NEK11: variants seen among roughly 807,000 people sequenced by gnomAD.
The protein encoded by NEK11 is serine/threonine-protein kinase Nek11.
In NEK11, 72 loss-of-function variants were observed where a neutral mutation model predicts 80.7. The ratio of observed to expected loss-of-function variants is 0.89; its 90% CI spans 0.74 to 1.08. NEK11 has a LOEUF of 1.08. NEK11 is among the 50% of genes least tolerant of loss of function. The pLI, the probability that NEK11 is intolerant of heterozygous loss-of-function variation, is 0.00. For missense variants in NEK11, 764 were observed against 763.6 expected, an observed-to-expected ratio of 1.00 and a Z score of -0.01; for synonymous variants, 251 against 260.7, an observed-to-expected ratio of 0.96 and a Z score of 0.36.
intron 14 of NEK11, among the ~76,000 whole-genome samples, chr3:131,185,503 T>C (rs1206951779): frequency 2.6e-5 from 4 of 152,138 alleles, no homozygotes; most frequent in African/African-American, 9.7e-5. Context: ...GAATCCCATA[T>C]TGGACAGAAA....
At chr3:131,288,085 A>C (rs1029688291) in intron 17 of NEK11, among the ~76,000 whole-genome samples, 1 of 152,150 alleles carries the variant, frequency 6.6e-6, no homozygotes, top group African/African-American at 2.4e-5. Context: ...GAATCCACCC[A>C]TTTCATGACC....
At chr3:131,234,798 C>T (rs1561121568) in intron 15 of NEK11, among the ~76,000 whole-genome samples, 1 of 151,612 alleles carries the variant, frequency 6.6e-6, no homozygotes, top group Non-Finnish European at 1.5e-5. Flanking sequence ...ATATCACTTA[C>T]TTCTCTTAAC....
intron 7 of NEK11, among the ~76,000 whole-genome samples, chr3:131,146,450 A>G (rs2088292923): frequency 1.3e-5 from 2 of 152,058 alleles, no homozygotes; most frequent in Non-Finnish European, 2.9e-5. Context: ...CACTGATAAA[A>G]CCAGAGTTTG....
At chr3:131,232,491 A>C (rs1234206525) in intron 15 of NEK11, among the ~76,000 whole-genome samples, 1 of 152,206 alleles carries the variant, frequency 6.6e-6, no homozygotes. Flanking sequence ...TGTGGCTGTC[A>C]CTGAGGCTTG....
chr3:131,031,503 A>C (rs2064842544), intron 3 of NEK11, among the ~76,000 whole-genome samples: 1 of 152,222 alleles, frequency 6.6e-6, no homozygotes, highest in Non-Finnish European at 1.5e-5. Flanking sequence ...GGAATATGAA[A>C]AATTTTAAGA....
intron 14 of NEK11, chr3:131,175,152 T>C: frequency 2.1e-6 from 2 of 972,622 alleles, no homozygotes; most frequent in Non-Finnish European, 2.5e-6. Flanking sequence ...GTTATGTTTT[T>C]ATTGTTTTAA....
chr3:131,168,707 T>G (rs1234760524), intron 12 of NEK11, 123 bp from the exon 13 acceptor site: 1 of 644,664 alleles, frequency 1.6e-6, no homozygotes, highest in Non-Finnish European at 2.7e-6. Flanking sequence ...GCTGGTCTGT[T>G]TCCTATGTAT....
intron 4 of NEK11, among the ~76,000 whole-genome samples, chr3:131,104,772 G>T (rs2078930437): frequency 6.6e-6 from 1 of 152,208 alleles, no homozygotes; most frequent in African/African-American, 2.4e-5. Flanking sequence ...GTGGGCTTCA[G>T]TGGTAGCTCT....
intron 5 of NEK11, among the ~76,000 whole-genome samples, chr3:131,128,552 C>T (rs758276481): frequency 1.9e-4 from 29 of 152,120 alleles, no homozygotes; most frequent in Non-Finnish European, 3.1e-4. Context: ...TTAACCATTC[C>T]GCTACTGAAG....
intron 5 of NEK11, among the ~76,000 whole-genome samples, chr3:131,131,868 T>A (rs2084551832): frequency 6.6e-6 from 1 of 152,088 alleles, no homozygotes; most frequent in South Asian, 2.1e-4. Context: ...GCACTGCTTT[T>A]GCTATATCAC....
intron 7 of NEK11, among the ~76,000 whole-genome samples, chr3:131,151,492 T>C (rs988983735): frequency 1.4e-4 from 21 of 152,108 alleles, no homozygotes; most frequent in African/African-American, 5.1e-4. Flanking sequence ...TATCCTTTGT[T>C]GTATTAAGGA....
At chr3:131,154,363 G>T (rs1305144299) in intron 9 of NEK11, among the ~76,000 whole-genome samples, 2 of 152,152 alleles carry the variant, frequency 1.3e-5, no homozygotes, top group Non-Finnish European at 2.9e-5. Context: ...TGGGGCAAAA[G>T]TTAAGGGGAC....
intron 17 of NEK11, among the ~76,000 whole-genome samples, chr3:131,289,398 A>G (rs1561392381): frequency 2.6e-5 from 4 of 152,228 alleles, no homozygotes; most frequent in Admixed American, 2.6e-4. Flanking sequence ...TTTGGGGGAT[A>G]CACAGTTCAG....
intron 17 of NEK11, among the ~76,000 whole-genome samples, chr3:131,274,360 G>A (rs2096255229): frequency 7.0e-6 from 1 of 143,468 alleles, no homozygotes; most frequent in Admixed American, 6.9e-5. Flanking sequence ...GTCTATCATT[G>A]TTGGACATTT....
intron 14 of NEK11, among the ~76,000 whole-genome samples, chr3:131,200,434 T>G (rs762265644): frequency 1.3e-5 from 2 of 152,322 alleles, no homozygotes; most frequent in Non-Finnish European, 1.5e-5. Flanking sequence ...CTTGGCATCT[T>G]CTAATAAAGA....
intron 17 of NEK11, among the ~76,000 whole-genome samples, chr3:131,306,131 A>C (rs1019325967): frequency 6.6e-6 from 1 of 152,142 alleles, no homozygotes; most frequent in Non-Finnish European, 1.5e-5. Context: ...CTTTTTGTAC[A>C]TGCTATCTAC....
At chr3:131,312,164 C>G (rs144077175) in intron 17 of NEK11, among the ~76,000 whole-genome samples, 3 of 152,168 alleles carry the variant, frequency 2.0e-5, no homozygotes, top group African/African-American at 7.2e-5. Flanking sequence ...GTTAGGAGCA[C>G]GGTTCTTTAA....
chr3:131,343,868 G>A (rs907572858), intron 17 of NEK11, among the ~76,000 whole-genome samples: 27 of 152,196 alleles, frequency 1.8e-4, no homozygotes, highest in African/African-American at 6.5e-4. Context: ...AGGCCTCTGG[G>A]CCTGTCATGG....
intron 17 of NEK11, among the ~76,000 whole-genome samples, chr3:131,276,603 C>A (rs987576670): frequency 6.6e-6 from 1 of 151,902 alleles, no homozygotes. Flanking sequence ...TTCTTTATAT[C>A]TATCTATATA....
Sources: gnomAD v4.1 joint callset for allele counts (sites outside exome capture counted in the v4.1 genomes callset) on GRCh38, gnomAD v4.1.1 for gene constraint, MANE v1.5 for transcripts, NCBI Gene and HGNC (gene_info 2026-07-23, HGNC 2026-07-21) for gene names.